PIK3R6: variants seen among roughly 807,000 people sequenced by gnomAD.
PIK3R6 encodes the protein phosphoinositide 3-kinase regulatory subunit 6.
PIK3R6 carries 91 observed loss-of-function variants against 84.9 expected under a neutral mutation model. That is an observed-to-expected ratio of 1.07 (90% CI 0.90 to 1.28). The LOEUF (loss-of-function observed/expected upper bound fraction) is 1.28. PIK3R6 is among the 50% of genes most tolerant of loss of function. PIK3R6 has a pLI of 0.00. For missense variants in PIK3R6, 996 were observed against 985.1 expected (o/e 1.01, Z -0.15); for synonymous variants, 416 against 411.4 (o/e 1.01, Z -0.13).
intron 9 of PIK3R6, among the ~76,000 whole-genome samples, chr17:8,832,548 GA>G (rs2088282341): frequency 1.0e-5 from 1 of 99,056 alleles, no homozygotes; most frequent in Non-Finnish European, 2.1e-5. Context: ...ACGCCCAGCT[GA>G]TTTTTTTTTT....
chr17:8,858,891 G>A (rs952036061), intron 1 of PIK3R6, among the ~76,000 whole-genome samples: 2 of 152,182 alleles, frequency 1.3e-5, no homozygotes, highest in Non-Finnish European at 2.9e-5. Flanking sequence ...TCCATCCAAA[G>A]AGGAACTTGC....
intron 5 of PIK3R6, 22 bp from the exon 6 acceptor site, chr17:8,836,945 G>T: frequency 6.6e-7 from 1 of 1,511,842 alleles, no homozygotes; most frequent in Non-Finnish European, 9.0e-7. Context: ...GGAGGAGGGG[G>T]AGGTGAGAGG....
chr17:8,839,639 CT>C lies in PIK3R6; in HGVS notation c.71del (p.Gln24ArgfsTer57). 6.3e-7 allele frequency: 1 copy of C among 1,577,502 alleles called. No homozygotes were observed. The highest frequency in any genetic ancestry group is 8.6e-7 in the Non-Finnish European group (1 of 1,161,402). On this transcript the variant is annotated frameshift_variant, in exon 3 of 20. Coordinates refer to ENST00000619866, the MANE Select transcript of PIK3R6 (RefSeq NM_001010855.4). LOFTEE classifies it high-confidence loss of function. The surrounding 1 kb of genome is among the most constrained non-coding windows in gnomAD (Gnocchi z 4.2). ...CTTGGTTGCTCTGCAGGGCAGGGGC[CT>C]GGGTGCTGAGCTCCCGGAGCACAGC... ...VQAVLRELST[Q>X]APALQSNQGM...
chr17:8,822,938 G>T lies in PIK3R6; in HGVS notation c.1717+58C>A, dbSNP rs952853360. 27 of 1,371,112 alleles carry T rather than the reference G, an allele frequency of 2.0e-5. No homozygotes were observed. In the Admixed American group the frequency reaches 2.7e-4, roughly 14 times the overall value. 84.9% of individuals were successfully genotyped at this position (1,371,112 alleles called of 1,614,324 possible). A position where few individuals can be genotyped will look rare whatever the true frequency, so the allele number is the denominator to read the frequency against. ...ATCATCAGGTGAGAGGTGGAAGGATGAGAGTTTGGAGAAGCTGAGTCAGGG... is the reference window on the plus strand; with the variant it reads ...ATCATCAGGTGAGAGGTGGAAGGATTAGAGTTTGGAGAAGCTGAGTCAGGG... On this transcript the variant is annotated intron_variant, in intron 15 of 19. Coordinates refer to ENST00000619866, the MANE Select transcript of PIK3R6 (RefSeq NM_001010855.4).
In PIK3R6 at chr17:8,839,070, G is replaced by A. The variant is rs2088585509; in HGVS notation, c.98-415C>T. On this transcript the variant is annotated intron_variant, in intron 3 of 19. Coordinates refer to ENST00000619866, the MANE Select transcript of PIK3R6 (RefSeq NM_001010855.4). The surrounding 1 kb of genome is among the most constrained non-coding windows in gnomAD (Gnocchi z 4.2). ...TGGTTAACAAAGAGGGTGGCAGGCC[G>A]GGTGCCGTGGCTCATGCCTGCAATC... 6.6e-6 allele frequency among the ~76,000 whole-genome samples: 1 copy of A among 152,126 alleles called. No homozygotes were observed. The highest frequency in any genetic ancestry group is 1.5e-5 in the Non-Finnish European group (1 of 68,010).
Position 8,804,278 on chromosome 17 carries a change from T to C in PIK3R6, c.1996-125A>G, listed in dbSNP as rs1051927297. The C allele has an allele frequency of 1.5e-5, 11 of 733,290 alleles. No homozygotes were observed. The African/African-American group carries it at 1.9e-4, about 13-fold the overall frequency. The allele number at this position is 733,290 out of a possible 1,614,324, so 45.4% of individuals were successfully genotyped here. ...CACATGGGGTCCCCAGCTCTCCTCC[T>C]GCAAGTGACTGAGGAGTGACAACCC... is the stretch of plus-strand genomic sequence containing the variant. On this transcript the variant is annotated intron_variant, in intron 18 of 19. Coordinates refer to ENST00000619866, the MANE Select transcript of PIK3R6 (RefSeq NM_001010855.4).
chr17:8,858,697 C>A (rs891560748), intron 1 of PIK3R6, among the ~76,000 whole-genome samples: 1 of 152,032 alleles, frequency 6.6e-6, no homozygotes, highest in African/African-American at 2.4e-5. Flanking sequence ...TATCAGTAGG[C>A]GAGGGTAGCC....
At position 8,839,469 on chromosome 17, in the gene PIK3R6, G is replaced by A; in HGVS notation, c.97+145C>T. 2 of 582,040 alleles carry A rather than the reference G, an allele frequency of 3.4e-6. No individual in the cohort carries two copies. Among genetic ancestry groups the A allele is most frequent in the Non-Finnish European group, 3.0e-6 (1 of 331,334 alleles). 36.1% of individuals were successfully genotyped at this position (582,040 alleles called of 1,614,324 possible). A position where few individuals can be genotyped will look rare whatever the true frequency, so the allele number is the denominator to read the frequency against. ...GCCTTCTCAGTCCTTCAGGCTCTAG[G>A]TATTTCCAGCAGGAAAGGGGTTTGG... is the stretch of plus-strand genomic sequence containing the variant. On this transcript the variant is annotated intron_variant, in intron 3 of 19. Transcript: ENST00000619866. The surrounding 1 kb of genome is among the most constrained non-coding windows in gnomAD (Gnocchi z 4.2).
At chr17:8,855,558 G>T (rs1411153120) in intron 1 of PIK3R6, among the ~76,000 whole-genome samples, 1 of 152,206 alleles carries the variant, frequency 6.6e-6, no homozygotes, top group Non-Finnish European at 1.5e-5. Flanking sequence ...ATGAGCAATA[G>T]AAAGTGCTGG....
intron 9 of PIK3R6, among the ~76,000 whole-genome samples, chr17:8,830,058 C>T (rs956584084): frequency 2.6e-5 from 4 of 152,216 alleles, no homozygotes; most frequent in East Asian, 1.9e-4. Flanking sequence ...AACCAGCTCA[C>T]AAGGCCTTTT....
chr17:8,812,567 C>A (rs891766908), intron 18 of PIK3R6, among the ~76,000 whole-genome samples: 4 of 152,112 alleles, frequency 2.6e-5, no homozygotes, highest in African/African-American at 9.7e-5. Flanking sequence ...TCTCAGACCA[C>A]AGTGGAATAA....
intron 1 of PIK3R6, among the ~76,000 whole-genome samples, chr17:8,853,212 G>A (rs780358383): frequency 6.6e-6 from 1 of 151,724 alleles, no homozygotes; most frequent in Non-Finnish European, 1.5e-5. Context: ...TAGGTGGGGC[G>A]CAGTAGCTCA....
At chr17:8,843,706 T>C (rs1340855024) in intron 2 of PIK3R6, among the ~76,000 whole-genome samples, 1 of 152,142 alleles carries the variant, frequency 6.6e-6, no homozygotes, top group Non-Finnish European at 1.5e-5. Context: ...CGTTTGGGTT[T>C]CTGGCATCTC....
At chr17:8,816,975 A>G (rs1042726815) in intron 18 of PIK3R6, among the ~76,000 whole-genome samples, 1 of 152,246 alleles carries the variant, frequency 6.6e-6, no homozygotes, top group African/African-American at 2.4e-5. Flanking sequence ...CTACGCTTGT[A>G]ATAGTGAAAA....
At position 8,823,409 on chromosome 17, in the gene PIK3R6, T is replaced by C; in HGVS notation, c.1604A>G (p.Tyr535Cys). ...YYIRMGTQPIYFQIYTVKIFF... is the reference protein window; with the variant it reads ...YYIRMGTQPICFQIYTVKIFF... ...TACCTTGACTGTGTAGATCTGGAAA[T>C]AGATGGGTTGGGTGCCCATGCGGAT... Residue 535 changes from tyrosine (Y) to cysteine (C), a missense_variant, in exon 14 of 20, where the codon TAT becomes TGT. Physicochemically the swap from Tyr to Cys is radical, Grantham distance 194 (BLOSUM62 -2). Transcript: ENST00000619866. 1 of 1,517,980 alleles carries C rather than the reference T, an allele frequency of 6.6e-7. No homozygotes were observed. Among genetic ancestry groups the C allele is most frequent in the Non-Finnish European group, 8.8e-7 (1 of 1,130,520 alleles). The allele number at this position is 1,517,980 out of a possible 1,614,324, so 94.0% of individuals were successfully genotyped here.
At position 8,803,271 on chromosome 17, in the gene PIK3R6, G is replaced by C. The variant is rs772987540; in HGVS notation, c.*2C>G. On this transcript the variant is annotated 3_prime_UTR_variant, in exon 20 of 20. Coordinates refer to ENST00000619866, the MANE Select transcript of PIK3R6 (RefSeq NM_001010855.4). The surrounding 1 kb of genome is among the most constrained non-coding windows in gnomAD (Gnocchi z 5.0). ...CCTCCTGGGCCTGCTGTCCCTGCAG[G>C]CTCACTGGACAATACCAGAGAATGT... The C allele has an allele frequency of 3.7e-6, 6 of 1,612,114 alleles. No individual in the cohort carries two copies. The highest frequency in any genetic ancestry group is 2.2e-5 in the East Asian group (1 of 44,866).
intron 1 of PIK3R6, among the ~76,000 whole-genome samples, chr17:8,860,406 T>C (rs1005864209): frequency 1.3e-5 from 2 of 152,060 alleles, no homozygotes; most frequent in African/African-American, 4.8e-5. Context: ...TGATCTGAGG[T>C]GGAGCAGTTT....
At chr17:8,825,507 C>T (rs986691094) in intron 13 of PIK3R6, among the ~76,000 whole-genome samples, 48 of 152,166 alleles carry the variant, frequency 3.2e-4, no homozygotes, top group African/African-American at 1.2e-3. Context: ...GTAAGGATCA[C>T]GTACTAAATA....
chr17:8,849,348 G>C lies in PIK3R6; in HGVS notation c.13+434C>G, dbSNP rs574777563. On this transcript the variant is annotated intron_variant, in intron 2 of 19. Transcript: ENST00000619866. ...CCACTCAATAGCTATGTGACTGGGG[G>C]AAAAGTACCTGCCCCTGGCATGCCT... Among the ~76,000 whole-genome samples, 4 of 152,180 alleles carry C rather than the reference G, an allele frequency of 2.6e-5. No homozygotes were observed. The East Asian group carries it at 7.7e-4, about 29-fold the overall frequency.
Sources: allele counts gnomAD v4.1 joint callset (sites outside exome capture counted in the v4.1 genomes callset), GRCh38; gene constraint gnomAD v4.1.1; non-coding constraint Gnocchi (gnomAD v3.1); transcripts MANE v1.5; gene names NCBI Gene and HGNC (gene_info 2026-07-23, HGNC 2026-07-21).